Variants in RHOJ observed in about 807,000 individuals in gnomAD.
RHOJ encodes the protein ras homolog family member J, also known as rho-related GTP-binding protein RhoJ.
Under a neutral mutation model 23.4 loss-of-function variants are expected in RHOJ, and 11 were observed. The observed-to-expected ratio is 0.47, with a 90% CI of 0.30 to 0.78. The LOEUF (loss-of-function observed/expected upper bound fraction) is 0.78, where lower values mean the gene tolerates loss of function less well. Ranked by LOEUF, RHOJ falls within the 30% of genes least tolerant of loss-of-function variation. RHOJ has a pLI of 0.08. For synonymous variants in RHOJ, 102 were observed against 102.7 expected (o/e 0.99, Z 0.04); for missense variants, 254 against 273.4 (o/e 0.93, Z 0.50).
intron 1 of RHOJ, among the ~76,000 whole-genome samples, chr14:63,241,150 G>A (rs1894876533): frequency 6.6e-6 from 1 of 152,220 alleles, no homozygotes; most frequent in Non-Finnish European, 1.5e-5. Context: ...CAGTGCAGTG[G>A]AGGCCACGCC....
At chr14:63,230,516 A>G (rs777395830) in intron 1 of RHOJ, among the ~76,000 whole-genome samples, 6 of 152,116 alleles carry the variant, frequency 3.9e-5, no homozygotes, top group African/African-American at 1.2e-4. Flanking sequence ...CCCAGCATTT[A>G]TGACCCCAGT....
chr14:63,259,341 T>C (rs1451344577), intron 1 of RHOJ, among the ~76,000 whole-genome samples: 1 of 74,974 alleles, frequency 1.3e-5, no homozygotes, highest in Non-Finnish European at 2.3e-5. Context: ...GAGCCAAATA[T>C]GCACAAGGCA....
intron 1 of RHOJ, among the ~76,000 whole-genome samples, chr14:63,260,537 C>T (rs1359820848): frequency 6.6e-6 from 1 of 152,086 alleles, no homozygotes; most frequent in Non-Finnish European, 1.5e-5. Context: ...GCTGAGCATC[C>T]AAATACTAGT....
rs539275107 is a variant in RHOJ at position 63,245,640 on chromosome 14, C to A, written c.179-23470C>A. 2.6e-5 allele frequency among the ~76,000 whole-genome samples: 4 copies of A among 152,082 alleles called. No homozygotes were observed. The East Asian group carries it at 5.8e-4, about 22-fold the overall frequency. Reference sequence around the variant, plus strand: ...GCCACTGTACTCCAGGATGACAGAGCAAGACCCTGTCTCAAAAAAAGAAAA... The same window carrying A: ...GCCACTGTACTCCAGGATGACAGAGAAAGACCCTGTCTCAAAAAAAGAAAA... On this transcript the variant is annotated intron_variant, in intron 1 of 4. Transcript: ENST00000316754.
At chr14:63,273,720 CT>C (rs1340117256) in intron 2 of RHOJ, among the ~76,000 whole-genome samples, 1 of 152,210 alleles carries the variant, frequency 6.6e-6, no homozygotes, top group East Asian at 1.9e-4. Context: ...GGGCAAAGCC[CT>C]ATTCAGATTG....
intron 1 of RHOJ, among the ~76,000 whole-genome samples, chr14:63,262,354 T>C (rs1895287355): frequency 6.6e-6 from 1 of 152,152 alleles, no homozygotes; most frequent in Admixed American, 6.6e-5. Context: ...TTAGACTTCA[T>C]TAGCATCTCA....
intron 1 of RHOJ, among the ~76,000 whole-genome samples, chr14:63,206,951 T>G (rs1894123583): frequency 6.6e-6 from 1 of 152,178 alleles, no homozygotes; most frequent in Non-Finnish European, 1.5e-5. Flanking sequence ...TCATGTGGTT[T>G]CAGTAAGGTT....
At chr14:63,225,000 C>G (rs1466360194) in intron 1 of RHOJ, among the ~76,000 whole-genome samples, 1 of 149,990 alleles carries the variant, frequency 6.7e-6, no homozygotes, top group Non-Finnish European at 1.5e-5. Flanking sequence ...TGGCCCAGGC[C>G]GGAGTGCAGT....
chr14:63,245,488 C>A (rs1894960861), intron 1 of RHOJ, among the ~76,000 whole-genome samples: 1 of 152,020 alleles, frequency 6.6e-6, no homozygotes, highest in African/African-American at 2.4e-5. Flanking sequence ...GACCCCATCT[C>A]TATTAAAAAT....
At chr14:63,225,193 TG>T (rs973623213) in intron 1 of RHOJ, among the ~76,000 whole-genome samples, 4 of 152,140 alleles carry the variant, frequency 2.6e-5, no homozygotes, top group Non-Finnish European at 4.4e-5. Flanking sequence ...CCTCGTGATC[TG>T]TCCGCCTCGG....
chr14:63,277,716 A>G (rs1007086042), intron 2 of RHOJ, among the ~76,000 whole-genome samples: 1 of 152,124 alleles, frequency 6.6e-6, no homozygotes, highest in Non-Finnish European at 1.5e-5. Context: ...ATTTATGACA[A>G]TCCAGATGGG....
At chr14:63,219,242 G>C (rs183132498) in intron 1 of RHOJ, among the ~76,000 whole-genome samples, 372 of 152,196 alleles carry the variant, frequency 2.4e-3, no homozygotes, top group African/African-American at 8.8e-3. Context: ...ACCACACAGA[G>C]CATTTTGAGG....
intron 1 of RHOJ, among the ~76,000 whole-genome samples, chr14:63,207,406 G>A (rs1029835112): frequency 1.3e-5 from 2 of 152,162 alleles, no homozygotes; most frequent in African/African-American, 4.8e-5. Context: ...CACTCTCCTG[G>A]TATATGACCT....
intron 1 of RHOJ, among the ~76,000 whole-genome samples, chr14:63,213,006 C>T (rs1056105017): frequency 1.3e-5 from 2 of 152,160 alleles, no homozygotes; most frequent in Non-Finnish European, 2.9e-5. Context: ...AACAGCTAAG[C>T]CAACAGCACA....
intron 2 of RHOJ, among the ~76,000 whole-genome samples, chr14:63,273,890 G>A (rs1321152728): frequency 6.6e-6 from 1 of 152,212 alleles, no homozygotes; most frequent in Non-Finnish European, 1.5e-5. Context: ...GTGAACCACT[G>A]CATGTGGGCA....
At chr14:63,280,483 A>G (rs935634554) in intron 2 of RHOJ, among the ~76,000 whole-genome samples, 8 of 152,202 alleles carry the variant, frequency 5.3e-5, no homozygotes, top group East Asian at 1.9e-4. Context: ...ACTATAGTTA[A>G]TAATACTATA....
At chr14:63,289,402 T>G (rs1218500313) in intron 4 of RHOJ, among the ~76,000 whole-genome samples, 2 of 152,216 alleles carry the variant, frequency 1.3e-5, no homozygotes, top group Admixed American at 1.3e-4. Context: ...CTATTGGGCA[T>G]AATAGGCCTA....
chr14:63,209,234 T>C (rs570871780), intron 1 of RHOJ, among the ~76,000 whole-genome samples: 2 of 152,300 alleles, frequency 1.3e-5, no homozygotes, highest in Non-Finnish European at 2.9e-5. Flanking sequence ...ATTCTCCACA[T>C]AGCTGGCAGA....
intron 1 of RHOJ, among the ~76,000 whole-genome samples, chr14:63,246,129 T>C (rs564910314): frequency 1.3e-5 from 2 of 152,158 alleles, no homozygotes; most frequent in East Asian, 1.9e-4. Flanking sequence ...CACAACCCCA[T>C]GTCTGGTTCC....
Sources: gnomAD v4.1 joint callset for allele counts (sites outside exome capture counted in the v4.1 genomes callset) on GRCh38, gnomAD v4.1.1 for gene constraint, MANE v1.5 for transcripts, NCBI Gene and HGNC (gene_info 2026-07-23, HGNC 2026-07-21) for gene names.